Variants in MKLN1 observed in about 807,000 individuals in gnomAD.
MKLN1 encodes the protein muskelin 1, also known as muskelin.
In MKLN1, 18 loss-of-function variants were observed where a neutral mutation model predicts 99.0. The observed-to-expected ratio is 0.18, with a 90% CI of 0.13 to 0.27. The LOEUF (loss-of-function observed/expected upper bound fraction) is 0.27, where lower values mean the gene tolerates loss of function less well. Among genes scored for constraint, MKLN1 ranks in the 10% least tolerant of loss-of-function variants. The pLI is 1.00. For synonymous variants in MKLN1, 288 were observed against 293.2 expected (o/e 0.98, Z 0.18); for missense variants, 621 against 875.9 (o/e 0.71, Z 3.67).
At chr7:131,138,512 A>T (rs150039520) in intron 1 of MKLN1, among the ~76,000 whole-genome samples, 1 of 152,172 alleles carries the variant, frequency 6.6e-6, no homozygotes, top group African/African-American at 2.4e-5. Context: ...TTACATTGTA[A>T]AAGTGTTGTT....
intron 1 of MKLN1, among the ~76,000 whole-genome samples, chr7:131,359,157 A>C (rs1280317297): frequency 6.6e-6 from 1 of 152,180 alleles, no homozygotes; most frequent in Non-Finnish European, 1.5e-5. Flanking sequence ...TCAATGCCGT[A>C]AATTTCCTTC....
chr7:131,328,543 T>C (rs920448568), intron 1 of MKLN1, among the ~76,000 whole-genome samples: 5 of 152,180 alleles, frequency 3.3e-5, no homozygotes, highest in African/African-American at 1.2e-4. Context: ...GGAATCCATC[T>C]GAATCCTAGC....
intron 2 of MKLN1, among the ~76,000 whole-genome samples, chr7:131,383,110 G>T (rs1343199451): frequency 1.3e-5 from 2 of 152,130 alleles, no homozygotes; most frequent in Non-Finnish European, 2.9e-5. Context: ...ATCCTGAATG[G>T]ATATTGAATT....
chr7:131,374,145 T>A (rs1343016405), intron 1 of MKLN1, among the ~76,000 whole-genome samples: 2 of 152,164 alleles, frequency 1.3e-5, no homozygotes, highest in East Asian at 3.8e-4. Context: ...AAAAACACTT[T>A]TTTTCTTGTG....
At chr7:131,150,712 C>G (rs1412016456) in intron 2 of MKLN1, among the ~76,000 whole-genome samples, 1 of 151,934 alleles carries the variant, frequency 6.6e-6, no homozygotes, top group African/African-American at 2.4e-5. Context: ...ATCAAAGCTT[C>G]ACTTTCAAAT....
At chr7:131,316,597 A>G (rs11766620) in intron 3 of MKLN1, among the ~76,000 whole-genome samples, 75,150 of 151,940 alleles carry the variant, frequency 0.49, 19,085 homozygotes, top group Admixed American at 0.6. Context: ...AAACTGGACA[A>G]ATAATGAGAT....
chr7:131,296,549 G>A (rs572108626), intron 3 of MKLN1, among the ~76,000 whole-genome samples: 1 of 152,092 alleles, frequency 6.6e-6, no homozygotes, highest in Non-Finnish European at 1.5e-5. Context: ...AAGAACATGG[G>A]TTTGAATTGC....
chr7:131,156,077 T>C (rs1440443952), intron 2 of MKLN1, among the ~76,000 whole-genome samples: 1 of 152,194 alleles, frequency 6.6e-6, no homozygotes, highest in Non-Finnish European at 1.5e-5. Flanking sequence ...TAGCAGGGAT[T>C]TGTAGCAATC....
chr7:131,112,545 A>G (rs1284705392), intron 1 of MKLN1, among the ~76,000 whole-genome samples: 3 of 152,206 alleles, frequency 2.0e-5, no homozygotes, highest in African/African-American at 7.2e-5. Flanking sequence ...AAAGGATATA[A>G]AAGTATAGAG....
intron 1 of MKLN1, among the ~76,000 whole-genome samples, chr7:131,334,716 A>G (rs1799200295): frequency 6.6e-6 from 1 of 152,198 alleles, no homozygotes; most frequent in South Asian, 2.1e-4. Context: ...TGTAGATAAG[A>G]TACATTTCAG....
intron 1 of MKLN1, among the ~76,000 whole-genome samples, chr7:131,121,735 A>G (rs1272920230): frequency 6.6e-6 from 1 of 151,552 alleles, no homozygotes; most frequent in East Asian, 1.9e-4. Context: ...CACACAGGGG[A>G]AGATCAAAAG....
chr7:131,496,557 T>C lies in MKLN1; in HGVS notation c.*8829T>C, dbSNP rs772523604. On this transcript the variant is annotated 3_prime_UTR_variant, in exon 18 of 18. Coordinates refer to ENST00000352689, the MANE Select transcript of MKLN1 (RefSeq NM_013255.5). ...GCTAAAAATGGCAATTGTAGAATTATGTTGTATGTAATGTACATATGGAGA... is the reference window on the plus strand; with the variant it reads ...GCTAAAAATGGCAATTGTAGAATTACGTTGTATGTAATGTACATATGGAGA... The C allele has an allele frequency of 6.6e-6, 1 of 152,134 alleles. No individual in the cohort carries two copies. The highest frequency in any genetic ancestry group is 1.5e-5 in the Non-Finnish European group (1 of 68,038). The allele number at this position is 152,134 out of a possible 1,614,324, so 9.4% of individuals were successfully genotyped here.
intron 1 of MKLN1, among the ~76,000 whole-genome samples, chr7:131,116,865 T>C (rs549815430): frequency 3.3e-5 from 5 of 152,282 alleles, no homozygotes; most frequent in Admixed American, 2.6e-4. Context: ...CATACTTGGC[T>C]GGCCAGGCTG....
intron 3 of MKLN1, among the ~76,000 whole-genome samples, chr7:131,322,056 A>G (rs1798788373): frequency 6.6e-6 from 1 of 152,244 alleles, no homozygotes; most frequent in Non-Finnish European, 1.5e-5. Flanking sequence ...AAATGAGATT[A>G]GCTCCCTGGC....
chr7:131,237,822 G>T (rs552947414), intron 3 of MKLN1, among the ~76,000 whole-genome samples: 1 of 152,264 alleles, frequency 6.6e-6, no homozygotes, highest in Non-Finnish European at 1.5e-5. Context: ...CAAGGGATTT[G>T]TCATGGAAGG....
At chr7:131,461,396 G>A (rs1796511182) in intron 12 of MKLN1, among the ~76,000 whole-genome samples, 1 of 151,658 alleles carries the variant, frequency 6.6e-6, no homozygotes, top group Non-Finnish European at 1.5e-5. Flanking sequence ...TTAAGATCAG[G>A]TTGATATATG....
intron 1 of MKLN1, among the ~76,000 whole-genome samples, chr7:131,368,254 C>T (rs527460923): frequency 2.6e-4 from 40 of 152,190 alleles, no homozygotes; most frequent in African/African-American, 9.2e-4. Flanking sequence ...GAAATAAGAT[C>T]CATTATTTAA....
In MKLN1 at chr7:131,389,623, T is replaced by C. The variant is rs548157662; in HGVS notation, c.400+651T>C. Among the ~76,000 whole-genome samples the C allele has an allele frequency of 4.6e-5, 7 of 152,256 alleles. No homozygotes were observed. In the South Asian group the frequency reaches 1.5e-3, roughly 32 times the overall value. ...TTATAATGCATCCTCAAAATTAGTA[T>C]TTTTCAGGTGATTTTGTTTCCTATA... On this transcript the variant is annotated intron_variant, in intron 4 of 17. Transcript: ENST00000352689.
At chr7:131,265,864 A>C (rs1797800141) in intron 3 of MKLN1, among the ~76,000 whole-genome samples, 1 of 152,172 alleles carries the variant, frequency 6.6e-6, no homozygotes, top group South Asian at 2.1e-4. Flanking sequence ...ATGCAGCACC[A>C]ACTCATTGTG....
Sources: allele counts gnomAD v4.1 joint callset (sites outside exome capture counted in the v4.1 genomes callset), GRCh38; gene constraint gnomAD v4.1.1; transcripts MANE v1.5; gene names NCBI Gene and HGNC (gene_info 2026-07-23, HGNC 2026-07-21).